ESR1: variants seen among roughly 807,000 people sequenced by gnomAD.
ESR1 encodes estrogen receptor.
A neutral mutation model predicts 52.7 loss-of-function variants in ESR1; 12 were observed. The ratio of observed to expected loss-of-function variants is 0.23; its 90% CI spans 0.15 to 0.37. The LOEUF is 0.37. Ranked by LOEUF, ESR1 falls within the 10% of genes least tolerant of loss-of-function variation. ESR1 has a pLI of 1.00. For synonymous variants in ESR1, 305 were observed against 316.8 expected (o/e 0.96, Z 0.39); for missense variants, 584 against 779.7 (o/e 0.75, Z 2.99).
At chr6:151,962,627 G>T (rs968289563) in intron 4 of ESR1, among the ~76,000 whole-genome samples, 1 of 152,160 alleles carries the variant, frequency 6.6e-6, no homozygotes, top group Admixed American at 6.6e-5. Flanking sequence ...CAAAACAAAA[G>T]TATGTGGCTT....
chr6:152,052,127 C>A (rs576205092), intron 5 of ESR1, among the ~76,000 whole-genome samples: 1 of 152,130 alleles, frequency 6.6e-6, no homozygotes, highest in Non-Finnish European at 1.5e-5. Flanking sequence ...AGAGAGCAGG[C>A]GTTTCACACA....
At chr6:152,047,937 C>T (rs1426602639) in intron 5 of ESR1, among the ~76,000 whole-genome samples, 1 of 143,930 alleles carries the variant, frequency 6.9e-6, no homozygotes, top group Admixed American at 7.0e-5. Context: ...CTTCTTTCAG[C>T]TTCTCTGACT....
rs762937574 is a variant in ESR1 at position 152,102,460 on chromosome 6, A to G, written c.*3494A>G. 4.8e-6 allele frequency: 1 copy of G among 208,972 alleles called. No homozygotes were observed. Among genetic ancestry groups the G allele is most frequent in the Non-Finnish European group, 9.7e-6 (1 of 102,570 alleles). The allele number at this position is 208,972 out of a possible 1,614,324, so 12.9% of individuals were successfully genotyped here. ...ATGTGAAAGGCAAATAGAGTCATAC[A>G]GTAGCTCAAAAGGCAACCATAATTC... On this transcript the variant is annotated 3_prime_UTR_variant, in exon 8 of 8. Coordinates refer to ENST00000206249, the MANE Select transcript of ESR1 (RefSeq NM_000125.4).
chr6:151,714,711 T>C lies in ESR1; in HGVS notation c.-71+12706T>C, dbSNP rs187294527. Among the ~76,000 whole-genome samples, 301 of 152,336 alleles carry C rather than the reference T, an allele frequency of 2.0e-3. 1 individual carries two copies. Among genetic ancestry groups the C allele is most frequent in the African/African-American group, 6.9e-3 (285 of 41,578 alleles). On this transcript the variant is annotated intron_variant, in intron 2 of 2. Coordinates refer to the ESR1 transcript ENST00000404742. ...CTTGGTAAATCTTCCGCCATTCCTT[T>C]ATTTTGAGCCTATGTGTATCTTTGC...
intron 4 of ESR1, among the ~76,000 whole-genome samples, chr6:152,006,611 C>T (rs914569444): frequency 1.3e-5 from 2 of 151,992 alleles, no homozygotes; most frequent in Admixed American, 1.3e-4. Flanking sequence ...ATCATTGTGC[C>T]ACAATCTTCC....
At chr6:151,955,268 A>G (rs998392609) in intron 4 of ESR1, among the ~76,000 whole-genome samples, 9 of 152,204 alleles carry the variant, frequency 5.9e-5, no homozygotes, top group African/African-American at 2.2e-4. Flanking sequence ...CATACCATAG[A>G]AGCAATATTT....
intron 1 of ESR1, among the ~76,000 whole-genome samples, chr6:151,683,252 G>A (rs1204423705): frequency 6.6e-6 from 1 of 152,120 alleles, no homozygotes; most frequent in Admixed American, 6.5e-5. Context: ...TTTTGGTATT[G>A]TAGAGGGAGG....
intron 2 of ESR1, among the ~76,000 whole-genome samples, chr6:151,707,578 G>T (rs889106876): frequency 2.6e-5 from 4 of 151,908 alleles, no homozygotes; most frequent in African/African-American, 7.3e-5. Flanking sequence ...TTTAACATTA[G>T]AATTTATTTA....
At chr6:151,775,141 T>TA (rs1394184205) in intron 2 of ESR1, among the ~76,000 whole-genome samples, 1 of 152,116 alleles carries the variant, frequency 6.6e-6, no homozygotes, top group Non-Finnish European at 1.5e-5. Context: ...AAGTAGATGC[T>TA]AAAAGGAAAA....
At chr6:151,735,769 C>T (rs572828255) in intron 2 of ESR1, among the ~76,000 whole-genome samples, 1 of 152,158 alleles carries the variant, frequency 6.6e-6, no homozygotes, top group East Asian at 1.9e-4. Context: ...GGCTCTGTGT[C>T]CCCACTCAAG....
chr6:151,956,001 G>T (rs2036864903), intron 4 of ESR1, among the ~76,000 whole-genome samples: 1 of 152,120 alleles, frequency 6.6e-6, no homozygotes, highest in South Asian at 2.1e-4. Flanking sequence ...GTGTCAGTTT[G>T]CTAAGGATAA....
intron 5 of ESR1, among the ~76,000 whole-genome samples, chr6:152,032,227 G>A (rs542330862): frequency 1.8e-4 from 28 of 152,230 alleles, no homozygotes; most frequent in African/African-American, 6.3e-4. Context: ...TTGAAAACTG[G>A]CACAAGACAG....
chr6:152,096,006 G>A (rs905979635), intron 7 of ESR1, among the ~76,000 whole-genome samples: 6 of 152,164 alleles, frequency 3.9e-5, no homozygotes, highest in Admixed American at 1.3e-4. Context: ...CCTGTAATTT[G>A]GCTAGCCAAA....
At chr6:152,049,752 A>G (rs1265980597) in intron 5 of ESR1, among the ~76,000 whole-genome samples, 1 of 152,188 alleles carries the variant, frequency 6.6e-6, no homozygotes, top group Admixed American at 6.5e-5. Flanking sequence ...GGATGTGATT[A>G]GAGGACCCTG....
At chr6:152,068,190 G>A (rs2048117962) in intron 6 of ESR1, among the ~76,000 whole-genome samples, 1 of 152,210 alleles carries the variant, frequency 6.6e-6, no homozygotes, top group African/African-American at 2.4e-5. Flanking sequence ...TCAGAACTGT[G>A]CCAAAACCTT....
chr6:152,090,587 C>T (rs993055018), intron 6 of ESR1, among the ~76,000 whole-genome samples: 6 of 152,226 alleles, frequency 3.9e-5, no homozygotes, highest in Admixed American at 2.6e-4. Context: ...CCACACTGCA[C>T]AGGCACTGCA....
At chr6:151,926,460 A>T (rs1001827606) in intron 3 of ESR1, among the ~76,000 whole-genome samples, 4 of 152,162 alleles carry the variant, frequency 2.6e-5, no homozygotes, top group Admixed American at 2.6e-4. Flanking sequence ...ATATTGAATA[A>T]TATGAACATG....
chr6:151,912,995 G>A (rs1039749104), intron 3 of ESR1, among the ~76,000 whole-genome samples: 1 of 151,938 alleles, frequency 6.6e-6, no homozygotes, highest in Non-Finnish European at 1.5e-5. Context: ...TAGATGACGG[G>A]TTGATAGGTG....
intron 1 of ESR1, among the ~76,000 whole-genome samples, chr6:151,692,256 A>T (rs1779003657): frequency 6.6e-6 from 1 of 152,002 alleles, no homozygotes; most frequent in Non-Finnish European, 1.5e-5. Context: ...TCAAACACTC[A>T]CTCTAAACCT....
Sources: allele counts gnomAD v4.1 joint callset (sites outside exome capture counted in the v4.1 genomes callset), GRCh38; gene constraint gnomAD v4.1.1; transcripts MANE v1.5; gene names NCBI Gene and HGNC (gene_info 2026-07-23, HGNC 2026-07-21).